PLXND1: variants seen among roughly 807,000 people sequenced by gnomAD.
The protein encoded by PLXND1 is plexin D1, also known as plexin-D1.
A neutral mutation model predicts 197.7 loss-of-function variants in PLXND1; 54 were observed. That is an observed-to-expected ratio of 0.27 (90% CI 0.22 to 0.34). PLXND1 has a LOEUF of 0.34. Ranked by LOEUF, PLXND1 falls within the 10% of genes least tolerant of loss-of-function variation. The pLI is 1.00. For missense variants in PLXND1, 2,127 were observed against 2,699.2 expected (o/e 0.79, Z 4.70); for synonymous variants, 1,180 against 1,161.2 (o/e 1.02, Z -0.33).
At chr3:129,589,314 A>AGCC in intron 2 of PLXND1, 37 bp downstream of exon 2, 1 of 346,844 alleles carries the variant, frequency 2.9e-6, no homozygotes, top group Non-Finnish European at 5.7e-6. Flanking sequence ...GGAGCCTCCC[A>AGCC]CCCCCACCCC....
chr3:129,584,479 A>C lies in PLXND1; in HGVS notation c.1935T>G (p.Thr645=). The C allele has an allele frequency of 6.2e-7, 1 of 1,614,046 alleles. No homozygotes were observed. Among genetic ancestry groups the C allele is most frequent in the East Asian group, 2.2e-5 (1 of 44,888 alleles). Residue 645 remains threonine (T), a synonymous_variant, in exon 6 of 36, where the codon ACT becomes ACG. Transcript: ENST00000324093. The part of the protein sequence containing the change: ...MACDYGNNIR[T]VARVPGPAFG... ...AGGCAGGGCCTGGGACCCGAGCCACAGTGCGGATGTTGTTCCCATAGTCAC... is the reference window on the plus strand; with the variant it reads ...AGGCAGGGCCTGGGACCCGAGCCACCGTGCGGATGTTGTTCCCATAGTCAC...
chr3:129,583,770 G>T, intron 7 of PLXND1, 101 bp from the exon 8 acceptor site: 1 of 767,632 alleles, frequency 1.3e-6, no homozygotes, highest in South Asian at 1.6e-5. Flanking sequence ...CACAGGGAAA[G>T]GTCTTTCTCA....
At chr3:129,574,303 C>T (rs62267570) in intron 12 of PLXND1, 33 bp downstream of exon 12, 45,771 of 1,550,764 alleles carry the variant, frequency 0.03, 835 homozygotes, top group South Asian at 0.034. Context: ...TGCCGGAGTG[C>T]GGGTGCCACG....
intron 9 of PLXND1, 132 bp from the exon 10 acceptor site, chr3:129,575,987 T>C (rs2085308710): frequency 3.0e-6 from 2 of 661,350 alleles, no homozygotes; most frequent in African/African-American, 1.8e-5. Context: ...GGCCTTTGCA[T>C]GGGCTGTCCC....
chr3:129,599,925 C>T (rs953906280), intron 1 of PLXND1, among the ~76,000 whole-genome samples: 2 of 152,236 alleles, frequency 1.3e-5, no homozygotes, highest in African/African-American at 4.8e-5. Context: ...CCTCTCTTGG[C>T]CTCAGTTTCC....
intron 1 of PLXND1, among the ~76,000 whole-genome samples, chr3:129,603,801 C>G (rs2085744990): frequency 6.6e-6 from 1 of 152,296 alleles, no homozygotes; most frequent in East Asian, 1.9e-4. Flanking sequence ...GGAGAAGGGA[C>G]AGGGTGGGGC....
At position 129,605,765 on chromosome 3, in the gene PLXND1, C is replaced by G. The variant is rs79870266; in HGVS notation, c.875G>C (p.Gly292Ala). ...CGCCAGGTACGCGTAGGACTGTGCACCCGGCGGCGGGTCGGACGGGTGCAG... is the reference window on the plus strand; with the variant it reads ...CGCCAGGTACGCGTAGGACTGTGCAGCCGGCGGCGGGTCGGACGGGTGCAG... ...AFLHPSDPPPGAQSYAYLALN... is the reference protein window; with the variant it reads ...AFLHPSDPPPAAQSYAYLALN... Residue 292 changes from glycine to alanine, a missense_variant, in exon 1 of 36, where the codon GGT (glycine) becomes GCT (alanine). Transcript: ENST00000324093. The G allele has an allele frequency of 0.031, 47,843 of 1,566,588 alleles. 828 individuals are homozygous for G. Among genetic ancestry groups the G allele is most frequent in the Non-Finnish European group, 0.035 (40,883 of 1,157,038 alleles).
rs2085791487 is a variant in PLXND1 at position 129,606,203 on chromosome 3, C to A, written c.437G>T (p.Gly146Val). The A allele has an allele frequency of 6.4e-7, 1 of 1,573,398 alleles. No homozygotes were observed. ...GCCCCGGCGCCGCAGCTGGCAGAAG[C>A]CCTGGTAGATGGACCCGCACACGAC... ...LVVVCGSIYQ[G>V]FCQLRRRGNI... The change falls in exon 1 of 36, where the codon GGC (glycine) becomes GTC (valine). Residue 146 changes from glycine to valine, a missense_variant. Physicochemically the swap from Gly to Val is moderately radical, Grantham distance 109 (BLOSUM62 -3). This residue lies in a region of PLXND1 where 245 missense variants were observed against 267.1 expected (regional missense o/e 0.92). Coordinates refer to ENST00000324093, the MANE Select transcript of PLXND1 (RefSeq NM_015103.3).
intron 11 of PLXND1, 73 bp from the exon 12 acceptor site, chr3:129,574,563 C>G: frequency 1.1e-5 from 16 of 1,455,162 alleles, no homozygotes; most frequent in Non-Finnish European, 1.4e-5. Context: ...GCCCTCCACA[C>G]ACAACAACTG....
intron 23 of PLXND1, 178 bp from the exon 24 acceptor site, chr3:129,566,195 T>G (rs980200797): frequency 1.5e-6 from 1 of 657,924 alleles, no homozygotes; most frequent in African/African-American, 1.8e-5. Flanking sequence ...AATTGAAAAG[T>G]GGGGCTCAGA....
chr3:129,560,417 C>A lies in PLXND1; in HGVS notation c.5046G>T (p.Glu1682Asp). The A allele has an allele frequency of 6.2e-7, 1 of 1,613,600 alleles. No homozygotes were observed. ...GGTGAGACTTCTTGGGCTCCGCCAGCTCGTCCGTAGGCAGCACCTGGGAGG... is the reference window on the plus strand; with the variant it reads ...GGTGAGACTTCTTGGGCTCCGCCAGATCGTCCGTAGGCAGCACCTGGGAGG... ...KYFHLVLPTD[E>D]LAEPKKSHRQ... The change falls in exon 31 of 36, where the codon GAG becomes GAT. Residue 1682 changes from glutamate to aspartate, a missense_variant. Physicochemically the swap from Glu to Asp is conservative, Grantham distance 45. Coordinates refer to ENST00000324093, the MANE Select transcript of PLXND1 (RefSeq NM_015103.3).
At chr3:129,560,782 G>GA in intron 29 of PLXND1, 59 bp from the exon 30 acceptor site, 1 of 1,009,492 alleles carries the variant, frequency 9.9e-7, no homozygotes, top group South Asian at 1.3e-5. Context: ...AAACAGAAAT[G>GA]AAGACAGAAA....
rs375946207 is a variant in PLXND1 at position 129,559,703 on chromosome 3, C to T, written c.5214G>A (p.Lys1738=). Residue 1738 remains lysine, a synonymous_variant, in exon 32 of 36, where the codon AAG becomes AAA. Coordinates refer to ENST00000324093, the MANE Select transcript of PLXND1 (RefSeq NM_015103.3). ...GCTCCTCCAGGAAGTCGAAAAAGTA[C>T]TTGACAGCCAGTGGGGGCTTGTCTT... ...IREDKPPLAV[K]YFFDFLEEQA... 1.7e-5 allele frequency: 27 copies of T among 1,613,366 alleles called. No individual in the cohort carries two copies. Among genetic ancestry groups the T allele is most frequent in the Non-Finnish European group, 2.2e-5 (26 of 1,179,762 alleles).
At position 129,559,615 on chromosome 3, in the gene PLXND1, G is replaced by A. The variant is rs569264068; in HGVS notation, c.5297+5C>T. On this transcript the variant is annotated splice_donor_5th_base_variant and intron_variant, in intron 32 of 35. Coordinates refer to ENST00000324093, the MANE Select transcript of PLXND1 (RefSeq NM_015103.3). The stretch of plus-strand genomic sequence containing the variant: ...TGAAGTCCACACGGCCCCCCCACCC[G>A]CCACCTGTTGGTCTTCCAGATGTGT... 3 of 1,589,740 alleles carry A rather than the reference G, an allele frequency of 1.9e-6. No individual in the cohort carries two copies. Among genetic ancestry groups the A allele is most frequent in the South Asian group, 1.2e-5 (1 of 86,234 alleles).
intron 2 of PLXND1, 71 bp from the exon 3 acceptor site, chr3:129,586,790 G>GCCCCCAGA: frequency 6.5e-7 from 1 of 1,539,412 alleles, no homozygotes; most frequent in Non-Finnish European, 8.8e-7. Context: ...GACAACCTGA[G>GCCCCCAGA]CCCGGGTCTG....
chr3:129,565,747 G>A, intron 24 of PLXND1, 140 bp downstream of exon 24: 2 of 984,578 alleles, frequency 2.0e-6, no homozygotes, highest in Non-Finnish European at 3.0e-6. Context: ...CGTGAGCCAA[G>A]GTCTTGGGCA....
rs1420696102 is a variant in PLXND1 at position 129,569,880 on chromosome 3, G to A, written c.3828C>T (p.Ile1276=). ...GCAGCAGCAGGACGCTGCAGATGACGATGGACACGATGATGGCCGTCTCGC... is the reference window on the plus strand; with the variant it reads ...GCAGCAGCAGGACGCTGCAGATGACAATGGACACGATGATGGCCGTCTCGC... ...GGSETAIIVS[I]VICSVLLLLS... is the part of the protein sequence containing the mutation. Residue 1276 remains isoleucine, a synonymous_variant, in exon 20 of 36, where the codon ATC becomes ATT. Transcript: ENST00000324093. 7.4e-6 allele frequency: 12 copies of A among 1,612,274 alleles called. No homozygotes were observed. The highest frequency in any genetic ancestry group is 1.7e-6 in the Non-Finnish European group (2 of 1,178,532).
Position 129,572,872 on chromosome 3 carries a change from C to A in PLXND1, c.2907G>T (p.Glu969Asp), listed in dbSNP as rs138766960. ...AGGAGAAGCGGTCCCGGGACTTGCC[C>A]TCCTTAGAGGCGTTCACGGTCACCA... ...SGVVTVNASK[E>D]GKSRDRFSYV... is the part of the protein sequence containing the mutation. Residue 969 changes from glutamate (E) to aspartate (D), a missense_variant, in exon 14 of 36, where the codon GAG (glutamate) becomes GAT (aspartate). Coordinates refer to ENST00000324093, the MANE Select transcript of PLXND1 (RefSeq NM_015103.3). 6.9e-5 allele frequency: 111 copies of A among 1,613,904 alleles called. 1 individual carries two copies. In the Admixed American group the frequency reaches 1.5e-3, roughly 22 times the overall value.
chr3:129,569,215 GTTGTT>G (rs1310879681), intron 20 of PLXND1: 1 of 152,002 alleles, frequency 6.6e-6, no homozygotes, highest in East Asian at 1.9e-4. Flanking sequence ...GGACATTTGG[GTTGTT>G]TTGACTTCCT....
Sources: gnomAD v4.1 joint callset for allele counts (sites outside exome capture counted in the v4.1 genomes callset) on GRCh38, gnomAD v4.1.1 for gene constraint, gnomAD v4.1.1 regional missense constraint, MANE v1.5 for transcripts, NCBI Gene and HGNC (gene_info 2026-07-23, HGNC 2026-07-21) for gene names.